Variants in ZNF804A observed in about 807,000 individuals in gnomAD.
ZNF804A encodes zinc finger protein 804A.
Under a neutral mutation model 16.5 loss-of-function variants are expected in ZNF804A, and 2 were observed. The observed-to-expected ratio is 0.12, with a 90% CI of 0.05 to 0.38. ZNF804A has a LOEUF of 0.38. Among genes scored for constraint, ZNF804A ranks in the 10% least tolerant of loss-of-function variants. The pLI is 0.99. For synonymous variants in ZNF804A, 534 were observed against 489.6 expected, an observed-to-expected ratio of 1.09 and a Z score of -1.20; for missense variants, 1,473 against 1,390.7, an observed-to-expected ratio of 1.06 and a Z score of -0.94.
At chr2:184,648,110 A>G (rs1294698607) in intron 1 of ZNF804A, among the ~76,000 whole-genome samples, 1 of 150,902 alleles carries the variant, frequency 6.6e-6, no homozygotes, top group Non-Finnish European at 1.5e-5. Context: ...AATAATTTTA[A>G]GAAAAGAAAA....
chr2:184,928,690 G>T (rs1022019824), intron 2 of ZNF804A, among the ~76,000 whole-genome samples: 6 of 152,212 alleles, frequency 3.9e-5, no homozygotes, highest in African/African-American at 9.6e-5. Flanking sequence ...GGCAAGGCTT[G>T]CAGGAACTCA....
At chr2:184,875,864 G>A (rs184405315) in intron 2 of ZNF804A, among the ~76,000 whole-genome samples, 11 of 151,668 alleles carry the variant, frequency 7.3e-5, no homozygotes, top group African/African-American at 1.9e-4. Flanking sequence ...CCACAGTTGC[G>A]TCTGTCCTCT....
intron 2 of ZNF804A, among the ~76,000 whole-genome samples, chr2:184,896,562 A>G (rs961765905): frequency 6.6e-6 from 1 of 152,160 alleles, no homozygotes; most frequent in Non-Finnish European, 1.5e-5. Context: ...GAGGTCTGTC[A>G]TTAGCATGTT....
chr2:184,821,315 A>G (rs1026681340), intron 1 of ZNF804A, among the ~76,000 whole-genome samples: 5 of 152,266 alleles, frequency 3.3e-5, no homozygotes, highest in African/African-American at 1.2e-4. Context: ...CAATGGGGAA[A>G]TGATTTTCTA....
At chr2:184,728,911 C>T (rs1693466635) in intron 1 of ZNF804A, among the ~76,000 whole-genome samples, 1 of 151,764 alleles carries the variant, frequency 6.6e-6, no homozygotes, top group Admixed American at 6.6e-5. Flanking sequence ...ACCTGGAGAA[C>T]ATGATATTAA....
chr2:184,795,415 A>C (rs1356213597), intron 1 of ZNF804A, among the ~76,000 whole-genome samples: 1 of 152,160 alleles, frequency 6.6e-6, no homozygotes, highest in Non-Finnish European at 1.5e-5. Flanking sequence ...GCAGTACAAC[A>C]AAGGTGGTGC....
At chr2:184,705,587 G>A (rs562666477) in intron 1 of ZNF804A, among the ~76,000 whole-genome samples, 3 of 152,164 alleles carry the variant, frequency 2.0e-5, no homozygotes, top group South Asian at 4.1e-4. Context: ...GGAGATGACA[G>A]TTCTCTGAAG....
intron 1 of ZNF804A, among the ~76,000 whole-genome samples, chr2:184,803,799 T>C (rs1694760103): frequency 6.6e-6 from 1 of 151,966 alleles, no homozygotes; most frequent in African/African-American, 2.4e-5. Context: ...ATTACTCCAA[T>C]CTGTGTATCT....
intron 2 of ZNF804A, among the ~76,000 whole-genome samples, chr2:184,919,147 G>A (rs1283528374): frequency 6.6e-6 from 1 of 152,180 alleles, no homozygotes; most frequent in Non-Finnish European, 1.5e-5. Context: ...CTAATCCACA[G>A]ATGATAGTTT....
chr2:184,634,158 A>G (rs1044573947), intron 1 of ZNF804A, among the ~76,000 whole-genome samples: 3 of 152,230 alleles, frequency 2.0e-5, no homozygotes, highest in Non-Finnish European at 4.4e-5. Flanking sequence ...ACAGAATCAC[A>G]TAGATCAATG....
At chr2:184,739,279 G>C (rs1288309564) in intron 1 of ZNF804A, among the ~76,000 whole-genome samples, 1 of 152,130 alleles carries the variant, frequency 6.6e-6, no homozygotes, top group Non-Finnish European at 1.5e-5. Flanking sequence ...TCACAAATTA[G>C]TCTTATTGTA....
At chr2:184,893,200 A>G (rs933900402) in intron 2 of ZNF804A, among the ~76,000 whole-genome samples, 1 of 152,080 alleles carries the variant, frequency 6.6e-6, no homozygotes, top group Non-Finnish European at 1.5e-5. Context: ...AAAAGTAAAC[A>G]TATTTACCTG....
intron 1 of ZNF804A, among the ~76,000 whole-genome samples, chr2:184,607,414 C>T (rs1463711482): frequency 6.6e-6 from 1 of 152,078 alleles, no homozygotes; most frequent in Non-Finnish European, 1.5e-5. Context: ...GCAAACACAC[C>T]CTTCTTCACA....
intron 1 of ZNF804A, among the ~76,000 whole-genome samples, chr2:184,715,597 A>T (rs1165850010): frequency 1.3e-5 from 2 of 152,030 alleles, no homozygotes; most frequent in Non-Finnish European, 2.9e-5. Flanking sequence ...GATGAGGTCC[A>T]GCTATGTTGC....
At chr2:184,728,133 G>A (rs1001056763) in intron 1 of ZNF804A, among the ~76,000 whole-genome samples, 1 of 151,140 alleles carries the variant, frequency 6.6e-6, no homozygotes, top group Non-Finnish European at 1.5e-5. Flanking sequence ...AAATGAAGAA[G>A]GTATTTACAC....
intron 1 of ZNF804A, among the ~76,000 whole-genome samples, chr2:184,794,621 C>A (rs1040584841): frequency 6.6e-6 from 1 of 151,988 alleles, no homozygotes; most frequent in Non-Finnish European, 1.5e-5. Context: ...ATACAGGCAA[C>A]AAATAGCATG....
At chr2:184,813,776 C>A (rs1574224441) in intron 1 of ZNF804A, among the ~76,000 whole-genome samples, 1 of 151,988 alleles carries the variant, frequency 6.6e-6, no homozygotes, top group African/African-American at 2.4e-5. Flanking sequence ...CAAATCACCC[C>A]TATGACAACC....
chr2:184,646,013 T>C (rs1691864805), intron 1 of ZNF804A, among the ~76,000 whole-genome samples: 1 of 152,062 alleles, frequency 6.6e-6, no homozygotes, highest in African/African-American at 2.4e-5. Flanking sequence ...GTGAGAAACT[T>C]GGAGATACTG....
chr2:184,661,552 A>G (rs1004101650), intron 1 of ZNF804A, among the ~76,000 whole-genome samples: 4 of 152,190 alleles, frequency 2.6e-5, no homozygotes, highest in African/African-American at 9.7e-5. Flanking sequence ...AGAGGTTTGT[A>G]TGGGCTTAGA....
Sources: gnomAD v4.1 joint callset for allele counts (sites outside exome capture counted in the v4.1 genomes callset) on GRCh38, gnomAD v4.1.1 for gene constraint, MANE v1.5 for transcripts, NCBI Gene and HGNC (gene_info 2026-07-23, HGNC 2026-07-21) for gene names.